Variants in GABRG3 observed in about 807,000 individuals in gnomAD.
GABRG3 encodes the protein gamma-aminobutyric acid type A receptor subunit gamma3, also known as gamma-aminobutyric acid receptor subunit gamma-3.
Under a neutral mutation model 48.8 loss-of-function variants are expected in GABRG3, and 25 were observed. The ratio of observed to expected loss-of-function variants is 0.51; its 90% CI spans 0.37 to 0.72. The LOEUF is 0.72. Among genes scored for constraint, GABRG3 ranks in the 30% least tolerant of loss-of-function variants. The pLI, the probability that GABRG3 is intolerant of heterozygous loss-of-function variation, is 0.00. For missense variants in GABRG3, 394 were observed against 577.9 expected (o/e 0.68, Z 3.26); for synonymous variants, 227 against 217.6 (o/e 1.04, Z -0.38).
At chr15:27,487,200 TG>T (rs548894743) in intron 6 of GABRG3, among the ~76,000 whole-genome samples, 363 of 152,340 alleles carry the variant, frequency 2.4e-3, no homozygotes, top group African/African-American at 8.3e-3. Context: ...TCTAATGAAC[TG>T]CTCGTCTGCT....
In GABRG3 at chr15:27,457,674, G is replaced by C. The variant is rs1299381210; in HGVS notation, c.575-22976G>C. Among the ~76,000 whole-genome samples the C allele has an allele frequency of 6.6e-6, 1 of 152,168 alleles. No individual in the cohort carries two copies. The highest frequency in any genetic ancestry group is 1.5e-5 in the Non-Finnish European group (1 of 68,030). On this transcript the variant is annotated intron_variant, in intron 5 of 9. Coordinates refer to ENST00000615808, the MANE Select transcript of GABRG3 (RefSeq NM_033223.5). The surrounding 1 kb of genome is among the most constrained non-coding windows in gnomAD (Gnocchi z 4.4). ...CCTTGGAGTCTGCAGCCTCACATCA[G>C]CCTAGACGCCTGGTCCAGCCTTCCT...
intron 5 of GABRG3, among the ~76,000 whole-genome samples, chr15:27,359,316 T>C (rs867957173): frequency 6.6e-6 from 1 of 152,360 alleles, no homozygotes; most frequent in Admixed American, 6.5e-5. Context: ...TAAAATGTTA[T>C]GTCATTAAAA....
At chr15:27,227,007 A>G (rs1437008885) in intron 3 of GABRG3, among the ~76,000 whole-genome samples, 3 of 152,214 alleles carry the variant, frequency 2.0e-5, no homozygotes, top group Non-Finnish European at 2.9e-5. Context: ...TCAGGGAAAA[A>G]AAACTGAAAG....
chr15:27,324,697 T>C (rs1442766496), intron 3 of GABRG3, among the ~76,000 whole-genome samples: 1 of 152,202 alleles, frequency 6.6e-6, no homozygotes, highest in African/African-American at 2.4e-5. Context: ...GAGCCAACTT[T>C]CTACCTGAGG....
intron 5 of GABRG3, among the ~76,000 whole-genome samples, chr15:27,467,777 A>G (rs1889661653): frequency 6.6e-6 from 1 of 152,238 alleles, no homozygotes; most frequent in Admixed American, 6.5e-5. Context: ...AGTAAATGGT[A>G]CATTGTATGG....
intron 3 of GABRG3, among the ~76,000 whole-genome samples, chr15:27,141,840 G>A (rs1022321296): frequency 2.0e-5 from 3 of 152,160 alleles, no homozygotes; most frequent in Admixed American, 1.3e-4. Context: ...ACGTGTTTTT[G>A]ATGATGCACT....
In GABRG3 at chr15:27,371,456, T is replaced by A. The variant is rs1226442949; in HGVS notation, c.574+42568T>A. Among the ~76,000 whole-genome samples the A allele has an allele frequency of 2.0e-5, 3 of 152,232 alleles. No homozygotes were observed. The East Asian group carries it at 5.8e-4, about 29-fold the overall frequency. ...ATTTAGAAGCAGGAATCTATTTTGA[T>A]AGAAGGAAAATCTAACCCTTTTTAT... On this transcript the variant is annotated intron_variant, in intron 5 of 9. Coordinates refer to ENST00000615808, the MANE Select transcript of GABRG3 (RefSeq NM_033223.5).
At chr15:26,981,074 A>G (rs1435098964) in intron 2 of GABRG3, among the ~76,000 whole-genome samples, 7 of 152,238 alleles carry the variant, frequency 4.6e-5, no homozygotes, top group Non-Finnish European at 7.3e-5. Flanking sequence ...TGAAGTTAAA[A>G]TAAAAGTTTT....
At chr15:27,027,531 A>G (rs970781724) in intron 3 of GABRG3, among the ~76,000 whole-genome samples, 4 of 152,206 alleles carry the variant, frequency 2.6e-5, no homozygotes, top group African/African-American at 9.7e-5. Context: ...ATGCTGACTT[A>G]AATTTCTTCT....
At chr15:27,320,401 C>T (rs1893381651) in intron 3 of GABRG3, among the ~76,000 whole-genome samples, 2 of 152,010 alleles carry the variant, frequency 1.3e-5, no homozygotes, top group Admixed American at 1.3e-4. Context: ...GTCTAGGGCT[C>T]CAGAGGTGTG....
chr15:27,217,781 G>A (rs192508438), intron 3 of GABRG3, among the ~76,000 whole-genome samples: 152 of 152,324 alleles, frequency 1.0e-3, no homozygotes, highest in Non-Finnish European at 1.9e-3. Context: ...AAGAGGACTT[G>A]GCTGTCCTCT....
intron 5 of GABRG3, among the ~76,000 whole-genome samples, chr15:27,372,163 A>G (rs948133127): frequency 6.7e-6 from 1 of 148,208 alleles, no homozygotes; most frequent in Non-Finnish European, 1.5e-5. Flanking sequence ...TTCATATGAG[A>G]TATATATATA....
chr15:27,292,509 A>G (rs1220184523), intron 3 of GABRG3, among the ~76,000 whole-genome samples: 2 of 152,180 alleles, frequency 1.3e-5, no homozygotes, highest in African/African-American at 4.8e-5. Context: ...TCATTCTGGA[A>G]ATTTTCTATT....
intron 6 of GABRG3, among the ~76,000 whole-genome samples, chr15:27,517,366 C>T (rs535770108): frequency 6.6e-6 from 1 of 152,350 alleles, no homozygotes; most frequent in African/African-American, 2.4e-5. Flanking sequence ...TGCCTCCCTC[C>T]TGCAAAGCAC....
chr15:27,388,369 A>G lies in GABRG3; in HGVS notation c.574+59481A>G, dbSNP rs28579854. On this transcript the variant is annotated intron_variant, in intron 5 of 9. Transcript: ENST00000615808. ...GAGGGAGGGTAAGGAAGGAAGGAAG[A>G]AAGGAAGGAAGGAAGGAAAGGAGGG... Among the ~76,000 whole-genome samples, 137 of 31,860 alleles carry G rather than the reference A, an allele frequency of 4.3e-3. 8 individuals carry two copies. The highest frequency in any genetic ancestry group is 9.8e-3 in the Admixed American group (27 of 2,742). 20.9% of individuals were successfully genotyped at this position (31,860 alleles called of 152,430 possible). A position where few individuals can be genotyped will look rare whatever the true frequency, so the allele number is the denominator to read the frequency against.
At chr15:27,293,331 T>C (rs1185836702) in intron 3 of GABRG3, among the ~76,000 whole-genome samples, 1 of 152,140 alleles carries the variant, frequency 6.6e-6, no homozygotes, top group African/African-American at 2.4e-5. Flanking sequence ...ATATAATTGA[T>C]GCAGCTGTGT....
At chr15:27,234,336 G>A (rs149674021) in intron 3 of GABRG3, among the ~76,000 whole-genome samples, 5 of 152,274 alleles carry the variant, frequency 3.3e-5, no homozygotes, top group African/African-American at 1.2e-4. Flanking sequence ...CTTCTCAGGA[G>A]CCCCATCTCA....
chr15:27,369,805 TCAAAAAAAA>T (rs1895342661), intron 5 of GABRG3, among the ~76,000 whole-genome samples: 1 of 48,598 alleles, frequency 2.1e-5, no homozygotes, highest in African/African-American at 2.0e-4. Context: ...AGACTCCGTC[TCAAAAAAAA>T]AAAAAAAAAA....
At chr15:27,362,075 C>T (rs778237218) in intron 5 of GABRG3, among the ~76,000 whole-genome samples, 3 of 152,152 alleles carry the variant, frequency 2.0e-5, no homozygotes, top group Non-Finnish European at 2.9e-5. Flanking sequence ...TAATGACACA[C>T]GTTAATCATT....
Sources: allele counts gnomAD v4.1 joint callset (sites outside exome capture counted in the v4.1 genomes callset), GRCh38; gene constraint gnomAD v4.1.1; non-coding constraint Gnocchi (gnomAD v3.1); transcripts MANE v1.5; gene names NCBI Gene and HGNC (gene_info 2026-07-23, HGNC 2026-07-21).